Variants in DNAH17 observed in about 807,000 individuals in gnomAD.
DNAH17 encodes the protein axonemal beta dynein heavy chain 17.
In DNAH17, 376 loss-of-function variants were observed where a neutral mutation model predicts 485.6. The ratio of observed to expected loss-of-function variants is 0.77; its 90% CI spans 0.71 to 0.84. The LOEUF (loss-of-function observed/expected upper bound fraction) is 0.84. DNAH17 is among the 40% of genes least tolerant of loss of function. The probability of loss-of-function intolerance (pLI) is 0.00; values close to 1 mark genes in which losing one functional copy is unlikely to be tolerated. For missense variants in DNAH17, 6,370 were observed against 5,839.3 expected (o/e 1.09, Z -2.96); for synonymous variants, 3,031 against 2,405.9 (o/e 1.26, Z -7.60).
At position 78,496,028 on chromosome 17, in the gene DNAH17, T is replaced by G; in HGVS notation, c.5750A>C (p.Lys1917Thr). ...EVLSVIAVQVKCVQDAIRAKK... is the reference protein window; with the variant it reads ...EVLSVIAVQVTCVQDAIRAKK... The stretch of plus-strand genomic sequence containing the variant: ...GGCCCGAATTGCATCCTGGACACAT[T>G]TTACCTGCACGGTTGGTGACACAGA... Residue 1917 changes from lysine to threonine, a missense_variant, in exon 38 of 81, where the codon AAA (lysine) becomes ACA (threonine). Coordinates refer to ENST00000389840, the MANE Select transcript of DNAH17 (RefSeq NM_173628.4). The G allele has an allele frequency of 1.9e-6, 3 of 1,613,228 alleles. No homozygotes were observed. The highest frequency in any genetic ancestry group is 2.5e-6 in the Non-Finnish European group (3 of 1,179,382).
At chr17:78,557,789 A>G (rs957999159) in intron 14 of DNAH17, among the ~76,000 whole-genome samples, 1 of 152,116 alleles carries the variant, frequency 6.6e-6, no homozygotes, top group Admixed American at 6.6e-5. Context: ...ATATTAAAAT[A>G]CACACTAATT....
rs61737665 is a variant in DNAH17, at chr17:78,507,305, T to G, written c.4649A>C (p.Tyr1550Ser). The change falls in exon 29 of 81, where the codon TAC (tyrosine) becomes TCC (serine). Residue 1550 changes from tyrosine (Y) to serine (S), a missense_variant. Tyr to Ser is a moderately radical substitution (Grantham distance 144). Coordinates refer to ENST00000389840, the MANE Select transcript of DNAH17 (RefSeq NM_173628.4). ...CTTCTTCAGGGCCTCCAGTTTATTGTAGAGGCCGGGTTTGCTGGTGGCTTC... is the reference window on the plus strand; with the variant it reads ...CTTCTTCAGGGCCTCCAGTTTATTGGAGAGGCCGGGTTTGCTGGTGGCTTC... ...VVEATSKPGL[Y>S]NKLEALKKSL... 16 of 1,613,914 alleles carry G rather than the reference T, an allele frequency of 9.9e-6. No individual in the cohort carries two copies. In the African/African-American group the frequency reaches 1.7e-4, roughly 17 times the overall value.
At chr17:78,520,638 GA>G (rs1207101168) in intron 25 of DNAH17, among the ~76,000 whole-genome samples, 1 of 152,056 alleles carries the variant, frequency 6.6e-6, no homozygotes, top group Non-Finnish European at 1.5e-5. Flanking sequence ...CTTCTAAAAA[GA>G]AAAGGAAAGA....
intron 7 of DNAH17, among the ~76,000 whole-genome samples, 152 bp from the exon 8 acceptor site, chr17:78,569,679 G>A (rs546177277): frequency 4.6e-4 from 70 of 152,354 alleles, no homozygotes; most frequent in Middle Eastern, 3.4e-3. Context: ...CGTTTTTAGG[G>A]GACCGAGCTG....
chr17:78,572,618 G>A, intron 3 of DNAH17, 83 bp downstream of exon 3: 1 of 1,265,406 alleles, frequency 7.9e-7, no homozygotes, highest in Non-Finnish European at 1.1e-6. Flanking sequence ...GGTCGGAGTG[G>A]GGTGGAGTGG....
rs374387391 is a variant in DNAH17, at chr17:78,529,467, C to G, written c.3507+5G>C. 22 of 1,613,582 alleles carry G rather than the reference C, an allele frequency of 1.4e-5. No individual in the cohort carries two copies. Among genetic ancestry groups the G allele is most frequent in the Middle Eastern group, 1.6e-4 (1 of 6,084 alleles). ...TGGACGCAGCCACACCCACCCACCA[C>G]GTACCTGCAGCTTCAAGTGGATCTC... On this transcript the variant is annotated splice_donor_5th_base_variant and intron_variant, in intron 22 of 80. Transcript: ENST00000389840.
intron 16 of DNAH17, among the ~76,000 whole-genome samples, chr17:78,547,151 C>A (rs72920931): frequency 0.036 from 5,408 of 152,242 alleles, 159 homozygotes; most frequent in South Asian, 0.079. Flanking sequence ...TAATTGGTTC[C>A]AAGCTCATTG....
At position 78,475,559 on chromosome 17, in the gene DNAH17, A is replaced by G. The variant is rs544593207; in HGVS notation, c.8320-90T>C. On this transcript the variant is annotated intron_variant, in intron 53 of 80. Transcript: ENST00000389840. ...GGACTCTGCACATGCTGAGGTGTGC[A>G]CTGTGTGCCACGCAGCCCCACACAA... 2,175 of 1,602,132 alleles carry G rather than the reference A, an allele frequency of 1.4e-3. 2 individuals carry two copies. Among genetic ancestry groups the G allele is most frequent in the Non-Finnish European group, 1.7e-3 (2,005 of 1,172,404 alleles).
At position 78,553,283 on chromosome 17, in the gene DNAH17, G is replaced by GGTTTTTTT. The variant is rs2091944708; in HGVS notation, c.2179-479_2179-478insAAAAAAAC. Among the ~76,000 whole-genome samples the GGTTTTTTT allele has an allele frequency of 1.3e-3, 65 of 51,030 alleles. 9 individuals are homozygous for GGTTTTTTT. The highest frequency in any genetic ancestry group is 2.7e-3 in the East Asian group (4 of 1,500). 33.5% of individuals were successfully genotyped at this position (51,030 alleles called of 152,430 possible). On this transcript the variant is annotated intron_variant, in intron 14 of 80. Coordinates refer to ENST00000389840, the MANE Select transcript of DNAH17 (RefSeq NM_173628.4). ...AAATTACCCAGTCCCAGGTTTTTGT[G>GGTTTTTTT]TTTTTTTTTTTTTTTTTTTTTTTTT...
At chr17:78,462,000 G>A (rs1027061194) in intron 57 of DNAH17, among the ~76,000 whole-genome samples, 3 of 152,022 alleles carry the variant, frequency 2.0e-5, no homozygotes, top group South Asian at 2.1e-4. Context: ...GTGAGACCCT[G>A]TCTGTATAAA....
At chr17:78,468,016 C>CA (rs1250610248) in intron 55 of DNAH17, among the ~76,000 whole-genome samples, 23,615 of 87,968 alleles carry the variant, frequency 0.27, 2,702 homozygotes, top group South Asian at 0.33. Context: ...AACTCCATCT[C>CA]AAAAAAAAAA....
At chr17:78,559,453 T>C (rs1476297674) in intron 13 of DNAH17, among the ~76,000 whole-genome samples, 1 of 152,156 alleles carries the variant, frequency 6.6e-6, no homozygotes, top group Non-Finnish European at 1.5e-5. Context: ...ACGCTCCATT[T>C]CCAACCTACT....
intron 39 of DNAH17, 29 bp from the exon 40 acceptor site, chr17:78,494,849 C>T (rs202153897): frequency 1.2e-4 from 195 of 1,576,836 alleles, no homozygotes; most frequent in Non-Finnish European, 1.4e-4. Flanking sequence ...GGTGGGCAGA[C>T]GTGAGCTCAC....
chr17:78,471,269 A>G (rs2088736429), intron 54 of DNAH17, among the ~76,000 whole-genome samples: 1 of 152,182 alleles, frequency 6.6e-6, no homozygotes, highest in South Asian at 2.1e-4. Flanking sequence ...GCCAGCCTCA[A>G]ATCTCCTATC....
chr17:78,537,617 G>T, intron 18 of DNAH17, 136 bp from the exon 19 acceptor site: 2 of 1,042,478 alleles, frequency 1.9e-6, no homozygotes, highest in Non-Finnish European at 2.8e-6. Flanking sequence ...GAGAGCTCGT[G>T]TCTCAGCGCA....
At position 78,494,682 on chromosome 17, in the gene DNAH17, T is replaced by C. The variant is rs78118757; in HGVS notation, c.6181A>G (p.Thr2061Ala). The C allele has an allele frequency of 6.8e-6, 11 of 1,613,950 alleles. No individual in the cohort carries two copies. The East Asian group carries it at 2.2e-4, about 33-fold the overall frequency. The change falls in exon 40 of 81, where the codon ACA becomes GCA. Residue 2061 changes from threonine to alanine, a missense_variant. By Grantham distance (58) the Thr-to-Ala change is moderately conservative. Transcript: ENST00000389840. ...CCCATGAATACGGGCAGGTCGTCTG[T>C]CACAATCTTGGGGATGTTGAAGTCT... ...LRDFNIPKIVTDDLPVFMGLI... is the reference protein window; with the variant it reads ...LRDFNIPKIVADDLPVFMGLI...
Position 78,551,737 on chromosome 17 carries a change from G to A in DNAH17, c.2288-99C>T, listed in dbSNP as rs2091906525. The A allele has an allele frequency of 7.0e-6, 8 of 1,149,130 alleles. No homozygotes were observed. In the Admixed American group the frequency reaches 1.3e-4, roughly 19 times the overall value. 71.2% of individuals were successfully genotyped at this position (1,149,130 alleles called of 1,614,324 possible). ...TCAGCCCTTTGGGAGGTCAGGGCAG[G>A]CGAATCACGAGGTCGGGAGTTCGAG... On this transcript the variant is annotated intron_variant, in intron 15 of 80. Transcript: ENST00000389840.
At chr17:78,484,362 T>C (rs2089491123) in intron 48 of DNAH17, among the ~76,000 whole-genome samples, 1 of 151,614 alleles carries the variant, frequency 6.6e-6, no homozygotes, top group South Asian at 2.1e-4. Flanking sequence ...CCCAGAATGC[T>C]CTCCCTCTAA....
rs1366156491 is a variant in DNAH17, at chr17:78,514,957, G to C, written c.3930C>G (p.Asp1310Glu). Reference sequence around the variant, plus strand: ...CCTTGGCAAACTTCTTACAATCTATGTCCATCTGCTCAACGTTGATATCTT... The same window carrying C: ...CCTTGGCAAACTTCTTACAATCTATCTCCATCTGCTCAACGTTGATATCTT... ...KWKDINVEQM[D>E]IDCKKFAKDM... The change falls in exon 26 of 81, where the codon GAC becomes GAG. Residue 1310 changes from aspartate (D) to glutamate (E), a missense_variant. Transcript: ENST00000389840. The C allele has an allele frequency of 6.2e-6, 10 of 1,614,026 alleles. No individual in the cohort carries two copies. The highest frequency in any genetic ancestry group is 1.1e-5 in the South Asian group (1 of 91,084).
Sources: gnomAD v4.1 joint callset for allele counts (sites outside exome capture counted in the v4.1 genomes callset) on GRCh38, gnomAD v4.1.1 for gene constraint, MANE v1.5 for transcripts, NCBI Gene and HGNC (gene_info 2026-07-23, HGNC 2026-07-21) for gene names.